Variants in ARF4 observed in about 807,000 individuals in gnomAD.
The protein encoded by ARF4 is ARF GTPase 4, also known as ADP-ribosylation factor 4.
Under a neutral mutation model 24.3 loss-of-function variants are expected in ARF4, and 5 were observed. That is an observed-to-expected ratio of 0.21 (90% CI 0.11 to 0.43). ARF4 has a LOEUF of 0.43. ARF4 is among the 20% of genes least tolerant of loss of function. ARF4 has a pLI of 1.00. For missense variants in ARF4, 107 were observed against 213.0 expected (o/e 0.50, Z 3.10); for synonymous variants, 62 against 73.5 (o/e 0.84, Z 0.80).
intron 1 of ARF4, among the ~76,000 whole-genome samples, chr3:57,592,293 A>G (rs2070125035): frequency 6.6e-6 from 1 of 152,112 alleles, no homozygotes; most frequent in African/African-American, 2.4e-5. Context: ...GTTTGAGACC[A>G]GCTTGACCAA....
Position 57,575,583 on chromosome 3 carries a change from C to G in ARF4, c.421G>C (p.Asp141His). The G allele has an allele frequency of 6.2e-7, 1 of 1,613,320 alleles. No individual in the cohort carries two copies. The highest frequency in any genetic ancestry group is 8.5e-7 in the Non-Finnish European group (1 of 1,179,770). ...PNAMAISEMT[D>H]KLGLQSLRNR... ...CGAAGAGACTGAAGCCCTAGTTTAT[C>G]TGTCATTTCACTGATGGCCATAGCA... Residue 141 changes from aspartate (D) to histidine (H), a missense_variant, in exon 5 of 6, where the codon GAT becomes CAT. By Grantham distance (81) the Asp-to-His change is moderately conservative (BLOSUM62 -1). Transcript: ENST00000303436.
At chr3:57,594,849 G>A (rs75410420) in intron 1 of ARF4, among the ~76,000 whole-genome samples, 268 of 152,298 alleles carry the variant, frequency 1.8e-3, no homozygotes, top group Middle Eastern at 3.4e-3. Context: ...AAGCCAGACA[G>A]AAAAATGTAA....
chr3:57,576,593 T>C (rs1383214550), intron 4 of ARF4, among the ~76,000 whole-genome samples: 1 of 149,730 alleles, frequency 6.7e-6, no homozygotes, highest in Admixed American at 6.7e-5. Flanking sequence ...ACACATATAC[T>C]GGCACAATGG....
chr3:57,579,020 G>A (rs1433652070), intron 3 of ARF4, among the ~76,000 whole-genome samples: 5 of 152,022 alleles, frequency 3.3e-5, no homozygotes, highest in African/African-American at 1.2e-4. Context: ...AACGAGGCTG[G>A]TTGAGGTGGC....
In ARF4 at chr3:57,571,971, C is replaced by G; in HGVS notation, c.*241G>C. On this transcript the variant is annotated 3_prime_UTR_variant, in exon 6 of 6. Coordinates refer to ENST00000303436, the MANE Select transcript of ARF4 (RefSeq NM_001660.4). ...CAAGAGCTATGTCCAGGCATTTACG[C>G]TTATGGGAAGTAAAATTAAAAGAGG... 4.5e-6 allele frequency: 2 copies of G among 443,588 alleles called. No individual in the cohort carries two copies. The highest frequency in any genetic ancestry group is 7.4e-5 in the East Asian group (2 of 26,998). The allele number at this position is 443,588 out of a possible 1,614,324, so 27.5% of individuals were successfully genotyped here. A position where few individuals can be genotyped will look rare whatever the true frequency, so the allele number is the denominator to read the frequency against.
At chr3:57,582,353 C>T (rs1469701086) in intron 3 of ARF4, among the ~76,000 whole-genome samples, 3 of 151,912 alleles carry the variant, frequency 2.0e-5, no homozygotes, top group East Asian at 1.9e-4. Flanking sequence ...AGTGATTCTC[C>T]TGCCTCAGCC....
At chr3:57,592,024 T>C (rs2070122285) in intron 1 of ARF4, among the ~76,000 whole-genome samples, 1 of 152,200 alleles carries the variant, frequency 6.6e-6, no homozygotes, top group South Asian at 2.1e-4. Context: ...CCCACGGAAC[T>C]GTACACTTTA....
intron 1 of ARF4, among the ~76,000 whole-genome samples, chr3:57,586,338 A>T (rs2070036398): frequency 2.0e-5 from 3 of 152,220 alleles, no homozygotes; most frequent in Admixed American, 2.0e-4. Context: ...CAATGCTAGT[A>T]AGTTAAAAAA....
chr3:57,587,899 A>G (rs2070058107), intron 1 of ARF4, among the ~76,000 whole-genome samples: 1 of 152,230 alleles, frequency 6.6e-6, no homozygotes, highest in Non-Finnish European at 1.5e-5. Context: ...TGCTGTATAA[A>G]TGCAAATTAA....
chr3:57,593,204 C>A (rs1205345851), intron 1 of ARF4, among the ~76,000 whole-genome samples: 1 of 151,932 alleles, frequency 6.6e-6, no homozygotes, highest in Non-Finnish European at 1.5e-5. Context: ...GAGCAAAACC[C>A]TGTCTCAAAA....
intron 3 of ARF4, among the ~76,000 whole-genome samples, chr3:57,581,832 AGAGAT>A (rs2069976405): frequency 6.6e-6 from 1 of 152,206 alleles, no homozygotes; most frequent in African/African-American, 2.4e-5. Flanking sequence ...AGAGCACATT[AGAGAT>A]GAGTATGAAA....
intron 4 of ARF4, among the ~76,000 whole-genome samples, chr3:57,576,824 A>C (rs192366346): frequency 9.2e-5 from 14 of 152,284 alleles, no homozygotes; most frequent in Middle Eastern, 6.8e-3. Context: ...TACTTTCAGA[A>C]GGAATTCCTT....
At chr3:57,592,664 C>T (rs1174553002) in intron 1 of ARF4, among the ~76,000 whole-genome samples, 1 of 152,102 alleles carries the variant, frequency 6.6e-6, no homozygotes, top group African/African-American at 2.4e-5. Context: ...TATTGCACTA[C>T]TATAATAATG....
intron 2 of ARF4, 83 bp downstream of exon 2, chr3:57,584,301 C>T: frequency 1.6e-6 from 2 of 1,249,364 alleles, no homozygotes; most frequent in Non-Finnish European, 2.3e-6. Flanking sequence ...ACATGCTTAA[C>T]AAAAAGACAA....
At position 57,571,791 on chromosome 3, in the gene ARF4, G is replaced by C. The variant is rs1449487885; in HGVS notation, c.*421C>G. 6.0e-6 allele frequency: 1 copy of C among 165,576 alleles called. No homozygotes were observed. The highest frequency in any genetic ancestry group is 2.4e-5 in the African/African-American group (1 of 41,540). 10.3% of individuals were successfully genotyped at this position (165,576 alleles called of 1,614,324 possible). ...AGTATTAGAAAATCTTTTTGGCAAG[G>C]GAGAGAAATAAATACAAATGGAATG... is the stretch of plus-strand genomic sequence containing the variant. On this transcript the variant is annotated 3_prime_UTR_variant, in exon 6 of 6. Transcript: ENST00000303436.
chr3:57,591,701 G>A (rs9681608), intron 1 of ARF4, among the ~76,000 whole-genome samples: 1,996 of 152,072 alleles, frequency 0.013, 49 homozygotes, highest in African/African-American at 0.045. Context: ...TCCTGACCTC[G>A]TGATCTGCCC....
intron 5 of ARF4, 44 bp from the exon 6 acceptor site, chr3:57,572,342 A>G (rs2069851449): frequency 1.5e-6 from 2 of 1,373,576 alleles, no homozygotes; most frequent in African/African-American, 1.4e-5. Context: ...CAAAGTTAAT[A>G]TATAACACCA....
Position 57,597,090 on chromosome 3 carries a change from C to A in ARF4, c.51G>T (p.Gln17His). ...CTCACTCACCCATCAAAATGCGCAT[C>A]TGCTTCTTGCCAAATAGTCGGGAGA... is the stretch of plus-strand genomic sequence containing the variant. Reference protein sequence around the residue: ...SLFSRLFGKKQMRILMVGLDA... With the variant: ...SLFSRLFGKKHMRILMVGLDA... The change falls in exon 1 of 6, where the codon CAG becomes CAT. Residue 17 changes from glutamine (Q) to histidine (H), a missense_variant. Transcript: ENST00000303436. 6.2e-7 allele frequency: 1 copy of A among 1,614,170 alleles called. No homozygotes were observed. Among genetic ancestry groups the A allele is most frequent in the Non-Finnish European group, 8.5e-7 (1 of 1,180,012 alleles).
At chr3:57,593,449 C>T (rs1448247124) in intron 1 of ARF4, among the ~76,000 whole-genome samples, 2 of 152,126 alleles carry the variant, frequency 1.3e-5, no homozygotes, top group South Asian at 2.1e-4. Flanking sequence ...TTTAAAGTGA[C>T]AAATATAGGA....
Sources: allele counts gnomAD v4.1 joint callset (sites outside exome capture counted in the v4.1 genomes callset), GRCh38; gene constraint gnomAD v4.1.1; transcripts MANE v1.5; gene names NCBI Gene and HGNC (gene_info 2026-07-23, HGNC 2026-07-21).